CNTNAP4: variants seen among roughly 807,000 people sequenced by gnomAD.
CNTNAP4 encodes the protein contactin-associated protein-like 4.
Under a neutral mutation model 148.4 loss-of-function variants are expected in CNTNAP4, and 98 were observed. The ratio of observed to expected loss-of-function variants is 0.66; its 90% CI spans 0.56 to 0.78. The LOEUF (loss-of-function observed/expected upper bound fraction) is 0.78. Among genes scored for constraint, CNTNAP4 ranks in the 30% least tolerant of loss-of-function variants. The probability of loss-of-function intolerance (pLI) is 0.00; values close to 1 mark genes in which losing one functional copy is unlikely to be tolerated. For synonymous variants in CNTNAP4, 730 were observed against 565.1 expected, an observed-to-expected ratio of 1.29 and a Z score of -4.14; for missense variants, 1,935 against 1,565.6, an observed-to-expected ratio of 1.24 and a Z score of -3.98.
intron 3 of CNTNAP4, among the ~76,000 whole-genome samples, chr16:76,381,697 G>A (rs911129411): frequency 6.6e-6 from 1 of 152,118 alleles, no homozygotes; most frequent in Non-Finnish European, 1.5e-5. Flanking sequence ...TAAAGGGAAC[G>A]GAGATATGCA....
intron 3 of CNTNAP4, among the ~76,000 whole-genome samples, chr16:76,424,914 G>T (rs1303603075): frequency 6.6e-6 from 1 of 152,152 alleles, no homozygotes; most frequent in African/African-American, 2.4e-5. Context: ...CATCCTAAAA[G>T]AAATTGAAAT....
In CNTNAP4 at chr16:76,294,761, ATAGT is replaced by A. The variant is rs200697592; in HGVS notation, c.85+17019_85+17022del. Among the ~76,000 whole-genome samples, 314 of 152,206 alleles carry A rather than the reference ATAGT, an allele frequency of 2.1e-3. 2 individuals are homozygous for A. Among genetic ancestry groups the A allele is most frequent in the African/African-American group, 6.6e-3 (276 of 41,506 alleles). On this transcript the variant is annotated intron_variant, in intron 1 of 23. Transcript: ENST00000611870. ...TTTCATTCATTTATTCACTCAACAA[ATAGT>A]TAGTAAGCCTCCACATTGTGGTACC...
At chr16:76,327,121 G>C (rs1255467242) in intron 2 of CNTNAP4, among the ~76,000 whole-genome samples, 1 of 152,130 alleles carries the variant, frequency 6.6e-6, no homozygotes, top group Non-Finnish European at 1.5e-5. Context: ...ATTGCATAAT[G>C]CTCAGGTTTT....
chr16:76,481,180 T>A (rs912072782), intron 12 of CNTNAP4, among the ~76,000 whole-genome samples: 1 of 152,180 alleles, frequency 6.6e-6, no homozygotes, highest in African/African-American at 2.4e-5. Context: ...CTGGTGGAAT[T>A]TGTACTTAAA....
chr16:76,521,282 T>G lies in CNTNAP4; in HGVS notation c.2508T>G (p.Ile836Met). 6.2e-7 allele frequency: 1 copy of G among 1,612,152 alleles called. No homozygotes were observed. The highest frequency in any genetic ancestry group is 8.5e-7 in the Non-Finnish European group (1 of 1,179,248). The change falls in exon 16 of 24, where the codon ATT becomes ATG. Residue 836 changes from isoleucine (I) to methionine (M), a missense_variant. Physicochemically the swap from Ile to Met is conservative, Grantham distance 10. Coordinates refer to ENST00000611870, the MANE Select transcript of CNTNAP4 (RefSeq NM_033401.5). ...SSGVFLENLG[I>M]ADFIRIELRS... ...GGGTATTTTTAGAGAACTTGGGGAT[T>G]GCTGATTTTATACGGATAGAGCTTC...
At chr16:76,356,005 G>A (rs2012579462) in intron 3 of CNTNAP4, among the ~76,000 whole-genome samples, 1 of 151,922 alleles carries the variant, frequency 6.6e-6, no homozygotes, top group South Asian at 2.1e-4. Flanking sequence ...CTCCCAAGTA[G>A]CTTGGATTAT....
chr16:76,483,924 T>C (rs1215063110), intron 12 of CNTNAP4, among the ~76,000 whole-genome samples: 1 of 152,110 alleles, frequency 6.6e-6, no homozygotes, highest in Non-Finnish European at 1.5e-5. Context: ...CTATATATCT[T>C]ATGTTTATTA....
chr16:76,463,732 G>A (rs551038575), intron 9 of CNTNAP4, among the ~76,000 whole-genome samples: 156 of 152,176 alleles, frequency 1.0e-3, no homozygotes, highest in Non-Finnish European at 1.9e-3. Flanking sequence ...AAAGAAAGAT[G>A]ATCAATGCAT....
At chr16:76,485,116 TTTC>T in intron 12 of CNTNAP4, among the ~76,000 whole-genome samples, 1 of 152,256 alleles carries the variant, frequency 6.6e-6, no homozygotes, top group Non-Finnish European at 1.5e-5. Flanking sequence ...TTTCTTTTCT[TTTC>T]TTTTTTTCTT....
Position 76,373,309 on chromosome 16 carries a change from TAAATATGTGGAGTATATTTCACAA to T in CNTNAP4, c.390+17807_390+17830del, listed in dbSNP as rs534742647. Reference sequence around the variant, plus strand: ...ATAAATATGTGAAATATATTCCACATAAATATGTGGAGTATATTTCACAAAAATATGTAAAAGAAACATTCTTAG... The same window carrying T: ...ATAAATATGTGAAATATATTCCACATAAATATGTAAAAGAAACATTCTTAG... On this transcript the variant is annotated intron_variant, in intron 3 of 23. Coordinates refer to ENST00000611870, the MANE Select transcript of CNTNAP4 (RefSeq NM_033401.5). Among the ~76,000 whole-genome samples the T allele has an allele frequency of 2.6e-5, 4 of 151,364 alleles. No individual in the cohort carries two copies. In the South Asian group the frequency reaches 6.3e-4, roughly 24 times the overall value.
intron 18 of CNTNAP4, among the ~76,000 whole-genome samples, chr16:76,536,453 C>T (rs1372937041): frequency 2.0e-5 from 3 of 152,094 alleles, no homozygotes; most frequent in East Asian, 1.9e-4. Flanking sequence ...ACCTGAGCCT[C>T]CCAAAGTGCT....
At chr16:76,399,516 A>G (rs1418131074) in intron 3 of CNTNAP4, among the ~76,000 whole-genome samples, 2 of 152,212 alleles carry the variant, frequency 1.3e-5, no homozygotes, top group Non-Finnish European at 2.9e-5. Context: ...GTTTGGGGAT[A>G]TTCTTATGAG....
chr16:76,534,348 A>G (rs897282530), intron 17 of CNTNAP4, among the ~76,000 whole-genome samples: 1 of 152,208 alleles, frequency 6.6e-6, no homozygotes. Context: ...GGAAGAAACG[A>G]AGTGAACATG....
rs74706363 is a variant in CNTNAP4 at position 76,483,682 on chromosome 16, A to T, written c.1882+4144A>T. Among the ~76,000 whole-genome samples, 6 of 152,326 alleles carry T rather than the reference A, an allele frequency of 3.9e-5. 1 individual carries two copies. In the East Asian group the frequency reaches 1.2e-3, roughly 29 times the overall value. On this transcript the variant is annotated intron_variant, in intron 12 of 23. Coordinates refer to ENST00000611870, the MANE Select transcript of CNTNAP4 (RefSeq NM_033401.5). ...ATGAGTAGCACAAAAATGCAAAAAA[A>T]TGTGGCACTTAATAGACTACAAATG...
chr16:76,369,056 A>C (rs1405935986), intron 3 of CNTNAP4, among the ~76,000 whole-genome samples: 4 of 151,818 alleles, frequency 2.6e-5, no homozygotes, highest in African/African-American at 9.7e-5. Context: ...GGTTAAAAAA[A>C]AAAGAGCCAT....
intron 15 of CNTNAP4, among the ~76,000 whole-genome samples, chr16:76,502,294 A>G (rs2143917977): frequency 6.6e-6 from 1 of 151,988 alleles, no homozygotes; most frequent in East Asian, 1.9e-4. Flanking sequence ...TTGGATGAGC[A>G]GTGGCTTCAG....
At chr16:76,558,263 T>G in intron 23 of CNTNAP4, 1 of 431,160 alleles carries the variant, frequency 2.3e-6, no homozygotes, top group Non-Finnish European at 4.1e-6. Flanking sequence ...TAATATGCAT[T>G]CATAATAAAT....
At chr16:76,289,532 T>A (rs1959026404) in intron 1 of CNTNAP4, among the ~76,000 whole-genome samples, 1 of 151,878 alleles carries the variant, frequency 6.6e-6, no homozygotes, top group African/African-American at 2.4e-5. Context: ...TTTAGCATTT[T>A]TTTTTTTTTT....
chr16:76,427,897 AT>A (rs2079468847), intron 4 of CNTNAP4, among the ~76,000 whole-genome samples: 1 of 152,194 alleles, frequency 6.6e-6, no homozygotes, highest in African/African-American at 2.4e-5. Context: ...ACTTTCAAAT[AT>A]TAGAAGTTTC....
Sources: allele counts gnomAD v4.1 joint callset (sites outside exome capture counted in the v4.1 genomes callset), GRCh38; gene constraint gnomAD v4.1.1; transcripts MANE v1.5; gene names NCBI Gene and HGNC (gene_info 2026-07-23, HGNC 2026-07-21).